Variants in CHCHD6 observed in about 807,000 individuals in gnomAD.
The protein encoded by CHCHD6 is MICOS complex subunit MIC25.
A neutral mutation model predicts 32.3 loss-of-function variants in CHCHD6; 28 were observed. That is an observed-to-expected ratio of 0.87 (90% CI 0.64 to 1.19). The LOEUF is 1.19. Among genes scored for constraint, CHCHD6 ranks in the 50% most tolerant of loss-of-function variants. CHCHD6 has a pLI of 0.00. For missense variants in CHCHD6, 333 were observed against 307.0 expected (o/e 1.08, Z -0.63); for synonymous variants, 122 against 117.5 (o/e 1.04, Z -0.25).
chr3:126,784,891 C>T (rs1938124237), intron 4 of CHCHD6, among the ~76,000 whole-genome samples: 1 of 152,002 alleles, frequency 6.6e-6, no homozygotes, highest in African/African-American at 2.4e-5. Context: ...TTTTCCCCTC[C>T]CTATTGATTC....
chr3:126,954,521 T>A (rs1248372149), intron 6 of CHCHD6, among the ~76,000 whole-genome samples: 1 of 152,230 alleles, frequency 6.6e-6, no homozygotes, highest in African/African-American at 2.4e-5. Context: ...CCGCCTGTCC[T>A]GTCTATGGTA....
chr3:126,861,525 T>TACCAAC (rs1941867074), intron 5 of CHCHD6, among the ~76,000 whole-genome samples: 1 of 151,134 alleles, frequency 6.6e-6, no homozygotes, highest in Non-Finnish European at 1.5e-5. Context: ...CCGCCACCAC[T>TACCAAC]ACCAACACCA....
At chr3:126,858,312 G>A (rs1456053614) in intron 5 of CHCHD6, among the ~76,000 whole-genome samples, 1 of 139,350 alleles carries the variant, frequency 7.2e-6, no homozygotes, top group Non-Finnish European at 1.6e-5. Flanking sequence ...GGGGGCGGGG[G>A]GGAGGGGTGG....
At chr3:126,778,400 G>A (rs537707053) in intron 4 of CHCHD6, among the ~76,000 whole-genome samples, 18 of 152,336 alleles carry the variant, frequency 1.2e-4, no homozygotes, top group East Asian at 3.9e-4. Flanking sequence ...AGCAATGTGT[G>A]AGGGTTCCAG....
chr3:126,815,836 G>T (rs749666613), intron 4 of CHCHD6, among the ~76,000 whole-genome samples: 1 of 152,170 alleles, frequency 6.6e-6, no homozygotes, highest in Non-Finnish European at 1.5e-5. Flanking sequence ...CTGTGCCTCT[G>T]CTGGCCTCAT....
At chr3:126,736,575 C>T (rs553017356) in intron 4 of CHCHD6, among the ~76,000 whole-genome samples, 6 of 152,300 alleles carry the variant, frequency 3.9e-5, no homozygotes, top group Admixed American at 3.9e-4. Context: ...ATTGGTCCAT[C>T]TTATTATTGG....
chr3:126,890,742 T>C (rs2077746527), intron 5 of CHCHD6, among the ~76,000 whole-genome samples: 1 of 152,252 alleles, frequency 6.6e-6, no homozygotes, highest in African/African-American at 2.4e-5. Flanking sequence ...TATAACTTAA[T>C]AAGTAACACC....
At chr3:126,891,277 G>A (rs2077755692) in intron 5 of CHCHD6, among the ~76,000 whole-genome samples, 1 of 152,178 alleles carries the variant, frequency 6.6e-6, no homozygotes, top group African/African-American at 2.4e-5. Flanking sequence ...GAATGTGGAG[G>A]TGGCAGTCAT....
Position 126,845,489 on chromosome 3 carries a change from CTT to C in CHCHD6, c.412-7157_412-7156del, listed in dbSNP as rs1306905268. ...AGCTTCTCAGATTTGTTGTCTCAGA[CTT>C]AGTTGTCGTCAATCAACTCCAGAGA... On this transcript the variant is annotated intron_variant, in intron 4 of 7. Coordinates refer to ENST00000290913, the MANE Select transcript of CHCHD6 (RefSeq NM_032343.3). Among the ~76,000 whole-genome samples the C allele has an allele frequency of 5.3e-5, 8 of 152,172 alleles. No individual in the cohort carries two copies. The South Asian group carries it at 1.7e-3, about 32-fold the overall frequency.
intron 4 of CHCHD6, among the ~76,000 whole-genome samples, chr3:126,790,652 G>T (rs944822011): frequency 6.6e-6 from 1 of 152,080 alleles, no homozygotes; most frequent in African/African-American, 2.4e-5. Flanking sequence ...TGTAGTTCTT[G>T]TGCCATGGTT....
rs768002425 is a variant in CHCHD6 at position 126,733,198 on chromosome 3, TGAG to T, written c.391_393del (p.Glu131del). The T allele has an allele frequency of 1.9e-6, 3 of 1,613,962 alleles. No homozygotes were observed. In the African/African-American group the frequency reaches 4.0e-5, roughly 22 times the overall value. On this transcript the variant is annotated inframe_deletion, in exon 4 of 8. Transcript: ENST00000290913. ...CCACGGGCGAAGGCAGCATCAGCCA[TGAG>T]GAGCAGAAGTCAGTCCGGCTGGTGA... is the stretch of plus-strand genomic sequence containing the variant.
chr3:126,773,139 C>T (rs1373371523), intron 4 of CHCHD6, among the ~76,000 whole-genome samples: 2 of 151,994 alleles, frequency 1.3e-5, no homozygotes, highest in East Asian at 3.8e-4. Flanking sequence ...GGTGACCTGC[C>T]CTTTCTCTCT....
At chr3:126,738,816 A>C (rs1424495185) in intron 4 of CHCHD6, among the ~76,000 whole-genome samples, 1 of 152,258 alleles carries the variant, frequency 6.6e-6, no homozygotes, top group Admixed American at 6.5e-5. Context: ...ACAAAGTTTA[A>C]AAAGGCTTTC....
chr3:126,923,136 CATCCAAGG>C lies in CHCHD6; in HGVS notation c.566+8387_566+8394del, dbSNP rs368414561. Among the ~76,000 whole-genome samples, 562 of 152,300 alleles carry C rather than the reference CATCCAAGG, an allele frequency of 3.7e-3. 3 individuals carry two copies. The highest frequency in any genetic ancestry group is 0.013 in the African/African-American group (539 of 41,554). On this transcript the variant is annotated intron_variant, in intron 6 of 7. Coordinates refer to ENST00000290913, the MANE Select transcript of CHCHD6 (RefSeq NM_032343.3). ...GCTCATCTCAGCCATGTGGGGTTGGCATCCAAGGTGAAACCCATTTGACATCCCTGGGC... is the reference window on the plus strand; with the variant it reads ...GCTCATCTCAGCCATGTGGGGTTGGCTGAAACCCATTTGACATCCCTGGGC...
At chr3:126,725,800 T>C (rs1274467814) in intron 1 of CHCHD6, among the ~76,000 whole-genome samples, 3 of 152,226 alleles carry the variant, frequency 2.0e-5, no homozygotes, top group African/African-American at 7.2e-5. Context: ...ACTTAAGTCT[T>C]ATGAACCAAC....
chr3:126,815,874 C>T (rs745331980), intron 4 of CHCHD6, among the ~76,000 whole-genome samples: 5 of 152,214 alleles, frequency 3.3e-5, no homozygotes, highest in Non-Finnish European at 5.9e-5. Flanking sequence ...AAGAGACGCT[C>T]ACCTCTGCTG....
chr3:126,861,552 C>A (rs1297144328), intron 5 of CHCHD6, among the ~76,000 whole-genome samples: 1 of 151,420 alleles, frequency 6.6e-6, no homozygotes, highest in Non-Finnish European at 1.5e-5. Context: ...CCAGCACCAC[C>A]ACCAGCACCA....
chr3:126,798,269 C>T (rs1320645015), intron 4 of CHCHD6, among the ~76,000 whole-genome samples: 1 of 152,158 alleles, frequency 6.6e-6, no homozygotes, highest in Non-Finnish European at 1.5e-5. Context: ...AATGGAACTT[C>T]TGAATGTTGG....
At chr3:126,747,115 A>G (rs1201175787) in intron 4 of CHCHD6, among the ~76,000 whole-genome samples, 5 of 152,102 alleles carry the variant, frequency 3.3e-5, no homozygotes, top group African/African-American at 1.2e-4. Context: ...GAGACAGCCT[A>G]AGCTTTTGGA....
Sources: gnomAD v4.1 joint callset for allele counts (sites outside exome capture counted in the v4.1 genomes callset) on GRCh38, gnomAD v4.1.1 for gene constraint, MANE v1.5 for transcripts, NCBI Gene and HGNC (gene_info 2026-07-23, HGNC 2026-07-21) for gene names.